EMP1: variants seen among roughly 807,000 people sequenced by gnomAD.
The protein encoded by EMP1 is tumor-associated membrane protein.
Under a neutral mutation model 15.7 loss-of-function variants are expected in EMP1, and 5 were observed. That is an observed-to-expected ratio of 0.32 (90% CI 0.17 to 0.67). EMP1 has a LOEUF of 0.67. EMP1 is among the 30% of genes least tolerant of loss of function. The pLI is 0.74. For missense variants in EMP1, 166 were observed against 194.2 expected, an observed-to-expected ratio of 0.85 and a Z score of 0.86; for synonymous variants, 78 against 76.7, an observed-to-expected ratio of 1.02 and a Z score of -0.09.
intron 1 of EMP1, among the ~76,000 whole-genome samples, chr12:13,210,603 T>C (rs995350562): frequency 6.6e-6 from 1 of 152,264 alleles, no homozygotes; most frequent in African/African-American, 2.4e-5. Flanking sequence ...GTCTTCTGTA[T>C]TGAGTCCTGA....
At chr12:13,206,361 C>G (rs1864110579) in intron 1 of EMP1, among the ~76,000 whole-genome samples, 1 of 152,216 alleles carries the variant, frequency 6.6e-6, no homozygotes, top group South Asian at 2.1e-4. Flanking sequence ...TGATGCCTTT[C>G]ATTCTGGGAG....
Position 13,214,793 on chromosome 12 carries a change from G to A in EMP1, c.*102G>A. 2 of 143,542 alleles carry A rather than the reference G, an allele frequency of 1.4e-5. No homozygotes were observed. The highest frequency in any genetic ancestry group is 2.8e-5 in the African/African-American group (1 of 35,208). 8.9% of individuals were successfully genotyped at this position (143,542 alleles called of 1,614,324 possible). On this transcript the variant is annotated 3_prime_UTR_variant, in exon 5 of 5. Coordinates refer to ENST00000256951, the MANE Select transcript of EMP1 (RefSeq NM_001423.3). Reference sequence around the variant, plus strand: ...GTACAGGAAAAACCGAGATAGGGGAGGGGGGAGGGGGAAGCAAAGGGGGGA... The same window carrying A: ...GTACAGGAAAAACCGAGATAGGGGAAGGGGGAGGGGGAAGCAAAGGGGGGA...
At chr12:13,200,272 G>T (rs1864053166) in intron 1 of EMP1, among the ~76,000 whole-genome samples, 2 of 151,966 alleles carry the variant, frequency 1.3e-5, no homozygotes, top group Non-Finnish European at 2.9e-5. Context: ...GGCCTTTTGG[G>T]GATTGTCCCA....
At position 13,213,586 on chromosome 12, in the gene EMP1, AG is replaced by A; in HGVS notation, c.175+12del. 1 of 1,614,160 alleles carries A rather than the reference AG, an allele frequency of 6.2e-7. No individual in the cohort carries two copies. Among genetic ancestry groups the A allele is most frequent in the Non-Finnish European group, 8.5e-7 (1 of 1,179,998 alleles). On this transcript the variant is annotated intron_variant, in intron 3 of 4. Coordinates refer to ENST00000256951, the MANE Select transcript of EMP1 (RefSeq NM_001423.3). ...CATATGCCAGTGAAGGTATATATAA[AG>A]ATATTGACCCAGTGCTGACAATAGG...
chr12:13,201,789 G>A (rs1269484443), intron 1 of EMP1, among the ~76,000 whole-genome samples: 1 of 152,208 alleles, frequency 6.6e-6, no homozygotes, highest in Non-Finnish European at 1.5e-5. Flanking sequence ...GGCAGGCTGA[G>A]TCTGTGAAGA....
intron 1 of EMP1, among the ~76,000 whole-genome samples, chr12:13,200,990 G>A (rs184284862): frequency 7.2e-5 from 11 of 152,356 alleles, no homozygotes; most frequent in Non-Finnish European, 7.4e-5. Flanking sequence ...TGGAGCAGAT[G>A]TAAGACAGCT....
At chr12:13,204,847 A>G (rs1864097803) in intron 1 of EMP1, among the ~76,000 whole-genome samples, 1 of 152,238 alleles carries the variant, frequency 6.6e-6, no homozygotes, top group South Asian at 2.1e-4. Context: ...TCTAGCAGTA[A>G]TCTCAGGACT....
intron 1 of EMP1, among the ~76,000 whole-genome samples, chr12:13,201,907 AG>A (rs1199901563): frequency 6.6e-6 from 1 of 151,832 alleles, no homozygotes; most frequent in African/African-American, 2.4e-5. Context: ...GAGACCCTGC[AG>A]CATGAAGGTG....
rs770593471 is a variant in EMP1 at position 13,216,178 on chromosome 12, G to C, written c.*1487G>C. Reference sequence around the variant, plus strand: ...GTCTAAAGGGGTTTTTTGGGAAGACGTTTTCTTTATCGCCCTGAGAAGATC... The same window carrying C: ...GTCTAAAGGGGTTTTTTGGGAAGACCTTTTCTTTATCGCCCTGAGAAGATC... On this transcript the variant is annotated 3_prime_UTR_variant, in exon 5 of 5. Coordinates refer to ENST00000256951, the MANE Select transcript of EMP1 (RefSeq NM_001423.3). The C allele has an allele frequency of 1.3e-5, 7 of 523,478 alleles. No homozygotes were observed. In the South Asian group the frequency reaches 1.5e-4, roughly 12 times the overall value. The allele number at this position is 523,478 out of a possible 1,614,324, so 32.4% of individuals were successfully genotyped here. A position where few individuals can be genotyped will look rare whatever the true frequency, so the allele number is the denominator to read the frequency against.
intron 2 of EMP1, 80 bp from the exon 3 acceptor site, chr12:13,213,399 C>T (rs1482241635): frequency 1.1e-5 from 14 of 1,289,704 alleles, no homozygotes; most frequent in African/African-American, 1.5e-5. Flanking sequence ...AATCTGATCC[C>T]GATGCAAGCT....
chr12:13,198,080 C>T (rs1488739012), intron 1 of EMP1, among the ~76,000 whole-genome samples: 5 of 152,164 alleles, frequency 3.3e-5, no homozygotes, highest in Admixed American at 3.3e-4. Flanking sequence ...GAAAAGATGG[C>T]ATACCAGAAA....
chr12:13,214,213 C>A (rs1200243996), intron 4 of EMP1: 1 of 596,444 alleles, frequency 1.7e-6, no homozygotes, highest in African/African-American at 1.9e-5. Context: ...AGGACATGCT[C>A]TTTTGCATCC....
At chr12:13,208,302 A>G (rs1864132075) in intron 1 of EMP1, among the ~76,000 whole-genome samples, 1 of 152,206 alleles carries the variant, frequency 6.6e-6, no homozygotes, top group Non-Finnish European at 1.5e-5. Flanking sequence ...TCTGTTTATT[A>G]TACTCTGCTA....
chr12:13,213,479 G>T lies in EMP1; in HGVS notation c.79G>T (p.Val27Phe). 1 of 1,614,022 alleles carries T rather than the reference G, an allele frequency of 6.2e-7. No individual in the cohort carries two copies. Among genetic ancestry groups the T allele is most frequent in the South Asian group, 1.1e-5 (1 of 91,046 alleles). Residue 27 changes from valine (V) to phenylalanine (F), a missense_variant and splice_region_variant, in exon 3 of 5, where the codon GTC becomes TTC. Val to Phe is a conservative substitution (Grantham distance 50, BLOSUM62 -1). Coordinates refer to ENST00000256951, the MANE Select transcript of EMP1 (RefSeq NM_001423.3). ...IMLFVSTIAN[V>F]WLVSNTVDAS... ...ACATTTTCTTTCCTTCTGGTTTCAG[G>T]TCTGGTTGGTTTCCAATACGGTAGA... is the stretch of plus-strand genomic sequence containing the variant.
At chr12:13,208,099 A>G (rs1304291345) in intron 1 of EMP1, among the ~76,000 whole-genome samples, 3 of 152,190 alleles carry the variant, frequency 2.0e-5, no homozygotes, top group African/African-American at 7.2e-5. Context: ...GAAGTCTACT[A>G]TTGTTTTAGT....
chr12:13,213,290 C>T, intron 2 of EMP1, 189 bp from the exon 3 acceptor site: 1 of 612,672 alleles, frequency 1.6e-6, no homozygotes, highest in Non-Finnish European at 2.9e-6. Context: ...TGTCTCTTCT[C>T]TTGGCAACTT....
At chr12:13,207,712 C>A (rs1017148838) in intron 1 of EMP1, among the ~76,000 whole-genome samples, 10 of 152,122 alleles carry the variant, frequency 6.6e-5, no homozygotes, top group Admixed American at 4.6e-4. Flanking sequence ...TGCCCCTGTG[C>A]CATGTATGTT....
At position 13,198,757 on chromosome 12, in the gene EMP1, T is replaced by C. The variant is rs776836533; in HGVS notation, c.-43+1885T>C. 8.7e-4 allele frequency among the ~76,000 whole-genome samples: 132 copies of C among 152,340 alleles called. 1 individual carries two copies. The highest frequency in any genetic ancestry group is 3.4e-3 in the Middle Eastern group (1 of 294). On this transcript the variant is annotated intron_variant, in intron 1 of 4. Transcript: ENST00000256951. ...GCATTATTTGTGGCAAGGTTTCACA[T>C]GATACTGTAGGTTTATAAAGGAGAA...
intron 1 of EMP1, among the ~76,000 whole-genome samples, chr12:13,200,182 C>T (rs1465445337): frequency 6.6e-6 from 1 of 152,134 alleles, no homozygotes; most frequent in African/African-American, 2.4e-5. Context: ...GATGTACATA[C>T]TCGGAGGGAC....
Sources: allele counts gnomAD v4.1 joint callset (sites outside exome capture counted in the v4.1 genomes callset), GRCh38; gene constraint gnomAD v4.1.1; transcripts MANE v1.5; gene names NCBI Gene and HGNC (gene_info 2026-07-23, HGNC 2026-07-21).